ATRX: variants seen among roughly 807,000 people sequenced by gnomAD.
ATRX encodes chromatin remodeler ATRX.
Under a neutral mutation model 172.6 loss-of-function variants are expected in ATRX, and 12 were observed. That is an observed-to-expected ratio of 0.07 (90% CI 0.04 to 0.11). ATRX has a LOEUF of 0.11. ATRX is among the 10% of genes least tolerant of loss of function. The pLI, the probability that ATRX is intolerant of heterozygous loss-of-function variation, is 1.00. For missense variants in ATRX, 1,368 were observed against 1,767.4 expected (o/e 0.77, Z 4.05); for synonymous variants, 674 against 594.7 (o/e 1.13, Z -1.94).
In ATRX at chrX:77,782,587, T is replaced by C. The variant is rs781795885; in HGVS notation, c.20+3395A>G. ...GGCCAACATGGTGAAACCCCGTCTC[T>C]ACTAAAAATACAAAAATTGGCCAGG... On this transcript the variant is annotated intron_variant, in intron 1 of 34. Coordinates refer to ENST00000373344, the MANE Select transcript of ATRX (RefSeq NM_000489.6). 9.0e-5 allele frequency among the ~76,000 whole-genome samples: 10 copies of C among 110,591 alleles called. No individual in the cohort carries two copies. The South Asian group carries it at 3.1e-3, about 34-fold the overall frequency.
chrX:77,564,226 A>T (rs2065119115), intron 28 of ATRX, among the ~76,000 whole-genome samples: 1 of 111,673 alleles, frequency 9.0e-6, no homozygotes, highest in South Asian at 3.8e-4. Context: ...TTTGGTGAAC[A>T]GAAGTCCTTA....
Position 77,505,587 on chromosome X carries a change from C to A in ATRX, c.*2764G>T, listed in dbSNP as rs2062692303. On this transcript the variant is annotated 3_prime_UTR_variant, in exon 35 of 35. Transcript: ENST00000373344. ...ATTCAATAACCAAACTTCGTGACCT[C>A]TCAATATTAAATAACTAAATGTGCA... is the stretch of plus-strand genomic sequence containing the variant. 5.8e-6 allele frequency: 1 copy of A among 172,326 alleles called. No individual in the cohort carries two copies. Among genetic ancestry groups the A allele is most frequent in the Non-Finnish European group, 1.1e-5 (1 of 90,371 alleles). The allele number at this position is 172,326 out of a possible 1,213,427, so 14.2% of individuals were successfully genotyped here.
At chrX:77,703,710 C>T (rs1307876736) in intron 2 of ATRX, among the ~76,000 whole-genome samples, 1 of 112,048 alleles carries the variant, frequency 8.9e-6, no homozygotes, top group African/African-American at 3.2e-5. Context: ...TGGCAGGTCC[C>T]AAGTTCTTGT....
chrX:77,573,515 T>C (rs1557068733), intron 28 of ATRX, among the ~76,000 whole-genome samples: 1 of 112,003 alleles, frequency 8.9e-6, no homozygotes, highest in African/African-American at 3.2e-5. Context: ...TTGCCTTGTA[T>C]CTACAGTTAA....
intron 15 of ATRX, among the ~76,000 whole-genome samples, chrX:77,644,030 C>G (rs2068787672): frequency 8.9e-6 from 1 of 111,747 alleles, no homozygotes; most frequent in African/African-American, 3.3e-5. Flanking sequence ...ACCTCTGCCT[C>G]CCGGGTTCAA....
At chrX:77,755,633 C>A (rs1440916388) in intron 1 of ATRX, among the ~76,000 whole-genome samples, 4 of 112,005 alleles carry the variant, frequency 3.6e-5, no homozygotes, top group African/African-American at 1.3e-4. Flanking sequence ...CCACTCCTGA[C>A]CCTGTTTGCC....
intron 6 of ATRX, among the ~76,000 whole-genome samples, chrX:77,689,266 C>G (rs2071750362): frequency 8.9e-6 from 1 of 111,903 alleles, no homozygotes; most frequent in Non-Finnish European, 1.9e-5. Context: ...AATTCAGTAT[C>G]AGTCCTTAAA....
At chrX:77,740,737 T>G (rs1246781178) in intron 1 of ATRX, among the ~76,000 whole-genome samples, 1 of 110,100 alleles carries the variant, frequency 9.1e-6, no homozygotes, top group Non-Finnish European at 1.9e-5. Context: ...GGTTCCAGTG[T>G]AATAACAGTG....
chrX:77,510,846 C>T (rs1483103464), intron 34 of ATRX, among the ~76,000 whole-genome samples: 2 of 112,479 alleles, frequency 1.8e-5, no homozygotes, highest in African/African-American at 3.2e-5. Context: ...ATCTTGGGAT[C>T]GGCCTAGGGC....
intron 1 of ATRX, among the ~76,000 whole-genome samples, chrX:77,723,008 C>T (rs1352368988): frequency 5.4e-5 from 6 of 111,884 alleles, no homozygotes; most frequent in Middle Eastern, 9.2e-3. Flanking sequence ...ACTATGCAGC[C>T]ATAAAAAAGG....
intron 30 of ATRX, among the ~76,000 whole-genome samples, chrX:77,552,106 A>C (rs782801658): frequency 8.1e-5 from 9 of 111,505 alleles, no homozygotes; most frequent in Admixed American, 2.9e-4. Context: ...TTGACCCAGC[A>C]ATCCCATTAC....
chrX:77,671,306 T>C (rs1423781099), intron 10 of ATRX, among the ~76,000 whole-genome samples: 1 of 104,043 alleles, frequency 9.6e-6, no homozygotes, highest in East Asian at 3.0e-4. Flanking sequence ...TTTTTTTTAG[T>C]CGCAAATCCT....
rs183498404 is a variant in ATRX at position 77,682,637 on chromosome X, T to C, written c.2619A>G (p.Glu873=). Residue 873 remains glutamate, a synonymous_variant, in exon 9 of 35, where the codon GAA becomes GAG. Coordinates refer to ENST00000373344, the MANE Select transcript of ATRX (RefSeq NM_000489.6). ...TTCTTTCAGCATCATCAGATGATCC[T>C]TCTTGTGAGGTCTTCAAATTTTTGT... ...QGHKNLKTSQ[E]GSSDDAERKQ... is the part of the protein sequence containing the mutation. The C allele has an allele frequency of 1.8e-5, 22 of 1,208,234 alleles. No individual in the cohort carries two copies. Among genetic ancestry groups the C allele is most frequent in the Non-Finnish European group, 2.5e-5 (22 of 895,076 alleles).
Position 77,528,982 on chromosome X carries a change from G to C in ATRX, c.6700-5581C>G, listed in dbSNP as rs184873090. 3.5e-3 allele frequency among the ~76,000 whole-genome samples: 398 copies of C among 112,303 alleles called. 3 individuals carry two copies. The highest frequency in any genetic ancestry group is 0.012 in the African/African-American group (376 of 30,962). On this transcript the variant is annotated intron_variant, in intron 30 of 34. Transcript: ENST00000373344. Reference sequence around the variant, plus strand: ...AGAGAGGAACATAACCAACCTGATGGAGCTGAAAAACACAACATGAGAACT... The same window carrying C: ...AGAGAGGAACATAACCAACCTGATGCAGCTGAAAAACACAACATGAGAACT...
intron 1 of ATRX, among the ~76,000 whole-genome samples, chrX:77,738,935 C>T (rs1469734485): frequency 9.0e-6 from 1 of 111,533 alleles, no homozygotes; most frequent in African/African-American, 3.3e-5. Context: ...CATACTTTTT[C>T]ATCTTTGTTC....
intron 19 of ATRX, among the ~76,000 whole-genome samples, chrX:77,622,652 T>C (rs2067644553): frequency 9.0e-6 from 1 of 111,166 alleles, no homozygotes; most frequent in Non-Finnish European, 1.9e-5. Context: ...AGGGCGCAAA[T>C]CCAGATTGCA....
At chrX:77,609,864 G>A (rs782577988) in intron 22 of ATRX, among the ~76,000 whole-genome samples, 1 of 112,034 alleles carries the variant, frequency 8.9e-6, no homozygotes, top group African/African-American at 3.2e-5. Context: ...TAGGGCAGGG[G>A]GAAAGGAGAG....
At chrX:77,777,212 A>AT (rs1258957075) in intron 1 of ATRX, among the ~76,000 whole-genome samples, 2 of 101,133 alleles carry the variant, frequency 2.0e-5, no homozygotes, top group African/African-American at 7.5e-5. Context: ...AAAAAAAAAA[A>AT]AAAAAAAAAA....
chrX:77,618,219 A>G (rs2067436542), intron 21 of ATRX, among the ~76,000 whole-genome samples: 1 of 112,224 alleles, frequency 8.9e-6, no homozygotes, highest in Non-Finnish European at 1.9e-5. Flanking sequence ...TAACATCTAC[A>G]GAGAAAGTGC....
Sources: allele counts gnomAD v4.1 joint callset (sites outside exome capture counted in the v4.1 genomes callset), GRCh38; gene constraint gnomAD v4.1.1; transcripts MANE v1.5; gene names NCBI Gene and HGNC (gene_info 2026-07-23, HGNC 2026-07-21).